The following LRRTM4 variants were observed in gnomAD, a reference collection of about 807,000 sequenced individuals.
The protein encoded by LRRTM4 is leucine rich repeat transmembrane neuronal 4, also known as leucine-rich repeat transmembrane neuronal protein 4.
A neutral mutation model predicts 47.6 loss-of-function variants in LRRTM4; 25 were observed. That is an observed-to-expected ratio of 0.53 (90% CI 0.38 to 0.73). LRRTM4 has a LOEUF of 0.73. Among genes scored for constraint, LRRTM4 ranks in the 30% least tolerant of loss-of-function variants. The probability of loss-of-function intolerance (pLI) is 0.00; values close to 1 mark genes in which losing one functional copy is unlikely to be tolerated. For synonymous variants in LRRTM4, 311 were observed against 269.5 expected (o/e 1.15, Z -1.51); for missense variants, 638 against 713.4 (o/e 0.89, Z 1.20).
intron 3 of LRRTM4, among the ~76,000 whole-genome samples, chr2:77,132,056 T>C (rs1021749117): frequency 6.6e-6 from 1 of 152,188 alleles, no homozygotes; most frequent in African/African-American, 2.4e-5. Flanking sequence ...TTATTGTTAA[T>C]TATAGTCATC....
At chr2:77,089,484 A>C (rs1229205781) in intron 3 of LRRTM4, among the ~76,000 whole-genome samples, 1 of 149,076 alleles carries the variant, frequency 6.7e-6, no homozygotes, top group Non-Finnish European at 1.5e-5. Context: ...CCGACCTCTT[A>C]TTTCTGCGCC....
At chr2:77,212,499 A>C (rs951231062) in intron 3 of LRRTM4, among the ~76,000 whole-genome samples, 4 of 149,722 alleles carry the variant, frequency 2.7e-5, no homozygotes, top group African/African-American at 9.8e-5. Flanking sequence ...AGAGAGCGAG[A>C]GAGTTAATCT....
intron 3 of LRRTM4, among the ~76,000 whole-genome samples, chr2:77,053,945 G>A (rs1189572829): frequency 6.6e-6 from 1 of 152,006 alleles, no homozygotes; most frequent in Non-Finnish European, 1.5e-5. Context: ...AAACCTATGT[G>A]ATTTTGAGTC....
rs1675444095 is a variant in LRRTM4, at chr2:76,949,960, A to G, written c.1552-201044T>C. On this transcript the variant is annotated intron_variant, in intron 3 of 3. Coordinates refer to ENST00000409884, the MANE Select transcript of LRRTM4 (RefSeq NM_001134745.3). ...GCAAAATGCAGGAAAAGTAGAGATA[A>G]GATAGAAGACAAAATATATAAAACT... 3.3e-5 allele frequency among the ~76,000 whole-genome samples: 5 copies of G among 151,984 alleles called. No individual in the cohort carries two copies. The South Asian group carries it at 1.0e-3, about 31-fold the overall frequency.
intron 3 of LRRTM4, among the ~76,000 whole-genome samples, chr2:77,139,609 T>C (rs554824342): frequency 6.6e-6 from 1 of 152,228 alleles, no homozygotes; most frequent in South Asian, 2.1e-4. Flanking sequence ...TTCAACATAG[T>C]GTTGGAAGTT....
intron 3 of LRRTM4, among the ~76,000 whole-genome samples, chr2:77,189,155 T>G (rs1558625479): frequency 6.6e-6 from 1 of 152,016 alleles, no homozygotes; most frequent in Non-Finnish European, 1.5e-5. Context: ...CTTTTAGTAA[T>G]GAATAAAAAG....
intron 3 of LRRTM4, among the ~76,000 whole-genome samples, chr2:76,779,989 T>C (rs1454589530): frequency 5.3e-5 from 8 of 152,284 alleles, no homozygotes; most frequent in African/African-American, 1.7e-4. Flanking sequence ...TTTGCTTGTC[T>C]GTAAAGTATT....
intron 3 of LRRTM4, among the ~76,000 whole-genome samples, chr2:77,406,613 TTTTA>T (rs1674198224): frequency 6.6e-6 from 1 of 152,086 alleles, no homozygotes; most frequent in Non-Finnish European, 1.5e-5. Flanking sequence ...ACATGCTCTC[TTTTA>T]GTAATATTAA....
chr2:76,866,810 G>A (rs1326061476), intron 3 of LRRTM4, among the ~76,000 whole-genome samples: 3 of 152,084 alleles, frequency 2.0e-5, no homozygotes, highest in Non-Finnish European at 4.4e-5. Flanking sequence ...AAACATACGA[G>A]TGCATGTGTC....
Position 76,832,233 on chromosome 2 carries a change from T to A in LRRTM4, c.1552-83317A>T, listed in dbSNP as rs916249694. Among the ~76,000 whole-genome samples the A allele has an allele frequency of 3.9e-5, 6 of 152,244 alleles. No homozygotes were observed. In the South Asian group the frequency reaches 6.2e-4, roughly 16 times the overall value. On this transcript the variant is annotated intron_variant, in intron 3 of 3. Transcript: ENST00000409884. Reference sequence around the variant, plus strand: ...ATCACCAATTTGATTCTAAGCAATTTGGAAGTTTGTCGTAGGCTTCTTTGT... The same window carrying A: ...ATCACCAATTTGATTCTAAGCAATTAGGAAGTTTGTCGTAGGCTTCTTTGT...
intron 3 of LRRTM4, among the ~76,000 whole-genome samples, chr2:77,241,000 A>G (rs6718307): frequency 0.69 from 104,268 of 151,702 alleles, 36,496 homozygotes; most frequent in African/African-American, 0.83. Context: ...CCTACAGAAT[A>G]CATACATTTT....
At chr2:77,372,236 C>T (rs1166620064) in intron 3 of LRRTM4, among the ~76,000 whole-genome samples, 1 of 151,744 alleles carries the variant, frequency 6.6e-6, no homozygotes, top group Non-Finnish European at 1.5e-5. Flanking sequence ...CCTTCCAAGG[C>T]ATTTTGTTAT....
chr2:76,762,078 C>T (rs1673279448), intron 3 of LRRTM4, among the ~76,000 whole-genome samples: 2 of 152,154 alleles, frequency 1.3e-5, no homozygotes, highest in Admixed American at 1.3e-4. Flanking sequence ...ACAGCCGCTA[C>T]CCATGCCAAA....
At chr2:77,302,263 G>T (rs1307649211) in intron 3 of LRRTM4, among the ~76,000 whole-genome samples, 5 of 152,268 alleles carry the variant, frequency 3.3e-5, no homozygotes, top group South Asian at 2.1e-4. Context: ...ATGCAGTCTT[G>T]CTTCAGTGTG....
chr2:77,020,115 G>C (rs1167314313), intron 3 of LRRTM4, among the ~76,000 whole-genome samples: 1 of 152,084 alleles, frequency 6.6e-6, no homozygotes, highest in Non-Finnish European at 1.5e-5. Flanking sequence ...TTTGCTGTAT[G>C]TAACAAGGTA....
At chr2:77,521,145 G>A (rs1573525119) in intron 2 of LRRTM4, among the ~76,000 whole-genome samples, 2 of 151,690 alleles carry the variant, frequency 1.3e-5, no homozygotes, top group African/African-American at 2.4e-5. Flanking sequence ...GAAAGGGGGG[G>A]AAAAAAGCCA....
At chr2:77,332,956 T>C (rs1370507613) in intron 3 of LRRTM4, among the ~76,000 whole-genome samples, 4 of 152,146 alleles carry the variant, frequency 2.6e-5, no homozygotes, top group African/African-American at 4.8e-5. Flanking sequence ...TGGGAGGTGA[T>C]TGAATTACAG....
intron 3 of LRRTM4, among the ~76,000 whole-genome samples, chr2:77,496,219 T>C (rs1293621351): frequency 6.6e-6 from 1 of 151,962 alleles, no homozygotes; most frequent in Non-Finnish European, 1.5e-5. Flanking sequence ...TAAACTCACA[T>C]ATTTTAGTAG....
intron 3 of LRRTM4, among the ~76,000 whole-genome samples, chr2:77,036,755 A>C (rs540823172): frequency 6.5e-4 from 99 of 151,828 alleles, no homozygotes; most frequent in Non-Finnish European, 1.2e-3. Context: ...TGAATATCTG[A>C]GAGAAAGAAG....
Sources: allele counts gnomAD v4.1 joint callset (sites outside exome capture counted in the v4.1 genomes callset), GRCh38; gene constraint gnomAD v4.1.1; transcripts MANE v1.5; gene names NCBI Gene and HGNC (gene_info 2026-07-23, HGNC 2026-07-21).